The following SPATA17 variants were observed in gnomAD, a reference collection of about 807,000 sequenced individuals.
The protein encoded by SPATA17 is spermatogenesis associated 17.
SPATA17 carries 53 observed loss-of-function variants against 62.2 expected under a neutral mutation model. The ratio of observed to expected loss-of-function variants is 0.85; its 90% CI spans 0.68 to 1.07. The LOEUF is 1.07. Ranked by LOEUF, SPATA17 falls within the 50% of genes least tolerant of loss-of-function variation. The pLI is 0.00. For synonymous variants in SPATA17, 146 were observed against 146.8 expected (o/e 0.99, Z 0.04); for missense variants, 466 against 425.5 (o/e 1.10, Z -0.84).
At chr1:217,678,318 C>T (rs1671002011) in intron 4 of SPATA17, among the ~76,000 whole-genome samples, 1 of 149,964 alleles carries the variant, frequency 6.7e-6, no homozygotes, top group Non-Finnish European at 1.5e-5. Flanking sequence ...AAGCAACTGT[C>T]CTGCCTCAGC....
chr1:217,860,504 T>C (rs1439148151), intron 9 of SPATA17, among the ~76,000 whole-genome samples: 1 of 152,222 alleles, frequency 6.6e-6, no homozygotes, highest in Non-Finnish European at 1.5e-5. Context: ...ACTACAATAA[T>C]GAATTTGTCT....
intron 9 of SPATA17, among the ~76,000 whole-genome samples, chr1:217,839,706 CTT>C (rs34384178): frequency 3.3e-5 from 5 of 149,454 alleles, no homozygotes; most frequent in Non-Finnish European, 7.4e-5. Flanking sequence ...CCATATATAT[CTT>C]TTTTTTTTCA....
At chr1:217,838,336 C>T (rs778652031) in intron 9 of SPATA17, among the ~76,000 whole-genome samples, 24 of 151,938 alleles carry the variant, frequency 1.6e-4, no homozygotes, top group Non-Finnish European at 2.6e-4. Flanking sequence ...TATGTTTTTT[C>T]GCTTTAAGAC....
intron 8 of SPATA17, among the ~76,000 whole-genome samples, chr1:217,791,734 T>G (rs1251648965): frequency 1.3e-5 from 2 of 152,210 alleles, no homozygotes; most frequent in African/African-American, 2.4e-5. Context: ...GGTAGAGACA[T>G]TCATAAGACC....
At chr1:217,808,381 ACC>A (rs61294567) in intron 9 of SPATA17, among the ~76,000 whole-genome samples, 7,268 of 67,292 alleles carry the variant, frequency 0.11, 214 homozygotes, top group Admixed American at 0.13. Context: ...ACACACACAC[ACC>A]CCCCTCAGAA....
intron 9 of SPATA17, among the ~76,000 whole-genome samples, chr1:217,835,268 C>G (rs1675234933): frequency 6.6e-6 from 1 of 152,090 alleles, no homozygotes; most frequent in South Asian, 2.1e-4. Context: ...GTTTCGGGGT[C>G]TGCATTGTTG....
intron 5 of SPATA17, among the ~76,000 whole-genome samples, chr1:217,736,042 A>C (rs1168543057): frequency 1.3e-5 from 2 of 151,916 alleles, no homozygotes; most frequent in African/African-American, 4.8e-5. Context: ...TTTCCTCAAA[A>C]ATATTTTATA....
chr1:217,644,195 T>A (rs889078598), intron 1 of SPATA17, among the ~76,000 whole-genome samples: 1 of 152,180 alleles, frequency 6.6e-6, no homozygotes, highest in Non-Finnish European at 1.5e-5. Flanking sequence ...CCTTGAGCTG[T>A]GAAATAATAA....
At chr1:217,798,244 T>C (rs915163920) in intron 8 of SPATA17, among the ~76,000 whole-genome samples, 43 of 152,224 alleles carry the variant, frequency 2.8e-4, no homozygotes, top group African/African-American at 1.0e-3. Context: ...AGTAAACTAC[T>C]ACTTGAACGT....
intron 1 of SPATA17, among the ~76,000 whole-genome samples, chr1:217,645,278 C>A (rs1670153202): frequency 6.6e-6 from 1 of 152,170 alleles, no homozygotes; most frequent in African/African-American, 2.4e-5. Context: ...CTGGTGTCAG[C>A]AGGAGAGATT....
intron 1 of SPATA17, among the ~76,000 whole-genome samples, chr1:217,646,757 T>G (rs558162935): frequency 6.6e-6 from 1 of 152,192 alleles, no homozygotes; most frequent in South Asian, 2.1e-4. Flanking sequence ...TAACCAGGCA[T>G]GGTGGCGTGC....
intron 4 of SPATA17, among the ~76,000 whole-genome samples, chr1:217,674,597 C>A (rs1670904999): frequency 6.6e-6 from 1 of 152,228 alleles, no homozygotes; most frequent in Non-Finnish European, 1.5e-5. Flanking sequence ...AGGTGTGTTG[C>A]CCAAGGGGAA....
intron 5 of SPATA17, among the ~76,000 whole-genome samples, chr1:217,729,504 C>T (rs1343474598): frequency 1.3e-5 from 2 of 152,074 alleles, no homozygotes; most frequent in South Asian, 4.1e-4. Context: ...ATAGTAAAGT[C>T]TATCCCAAAG....
chr1:217,725,853 C>A (rs1672247726), intron 5 of SPATA17, among the ~76,000 whole-genome samples: 1 of 152,064 alleles, frequency 6.6e-6, no homozygotes, highest in Non-Finnish European at 1.5e-5. Context: ...AAAGGAATGT[C>A]TCCTTATTTG....
Position 217,870,216 on chromosome 1 carries a change from G to A in SPATA17, c.*3197G>A, listed in dbSNP as rs1450604859. 1 of 152,076 alleles carries A rather than the reference G, an allele frequency of 6.6e-6. No individual in the cohort carries two copies. The allele number at this position is 152,076 out of a possible 1,614,324, so 9.4% of individuals were successfully genotyped here. A position where few individuals can be genotyped will look rare whatever the true frequency, so the allele number is the denominator to read the frequency against. Reference sequence around the variant, plus strand: ...GATTTTGTAGACCCTGACCTTCTCTGTTCTTCCAGAGAAGGTGGTACTCAG... The same window carrying A: ...GATTTTGTAGACCCTGACCTTCTCTATTCTTCCAGAGAAGGTGGTACTCAG... On this transcript the variant is annotated 3_prime_UTR_variant, in exon 11 of 11. Transcript: ENST00000366933.
intron 8 of SPATA17, among the ~76,000 whole-genome samples, chr1:217,786,220 T>G (rs1018882057): frequency 2.0e-5 from 3 of 152,134 alleles, no homozygotes; most frequent in Non-Finnish European, 2.9e-5. Context: ...CCTAACAAAA[T>G]TTTTAGTAAC....
At chr1:217,852,833 T>C (rs900640897) in intron 9 of SPATA17, among the ~76,000 whole-genome samples, 8 of 152,150 alleles carry the variant, frequency 5.3e-5, no homozygotes, top group African/African-American at 1.9e-4. Context: ...TTTGGGTTTG[T>C]CCTCAAATGA....
chr1:217,649,043 A>C, intron 2 of SPATA17, 72 bp downstream of exon 2: 1 of 1,021,754 alleles, frequency 9.8e-7, no homozygotes, highest in Non-Finnish European at 1.4e-6. Context: ...TAATTTATTC[A>C]TGAAGTACTC....
At chr1:217,706,531 G>T (rs908893702) in intron 5 of SPATA17, among the ~76,000 whole-genome samples, 3 of 152,102 alleles carry the variant, frequency 2.0e-5, no homozygotes, top group Admixed American at 6.5e-5. Flanking sequence ...TTTTTTCTGT[G>T]CTCTCACACG....
Sources: gnomAD v4.1 joint callset for allele counts (sites outside exome capture counted in the v4.1 genomes callset) on GRCh38, gnomAD v4.1.1 for gene constraint, MANE v1.5 for transcripts, NCBI Gene and HGNC (gene_info 2026-07-23, HGNC 2026-07-21) for gene names.